EBF1: variants seen among roughly 807,000 people sequenced by gnomAD.
EBF1 encodes the protein transcription factor COE1.
Under a neutral mutation model 68.4 loss-of-function variants are expected in EBF1, and 10 were observed. The observed-to-expected ratio is 0.15, with a 90% CI of 0.09 to 0.25. EBF1 has a LOEUF of 0.25. EBF1 is among the 10% of genes least tolerant of loss of function. EBF1 has a pLI of 1.00. For missense variants in EBF1, 509 were observed against 794.4 expected, an observed-to-expected ratio of 0.64 and a Z score of 4.32; for synonymous variants, 298 against 299.8, an observed-to-expected ratio of 0.99 and a Z score of 0.06.
intron 11 of EBF1, among the ~76,000 whole-genome samples, chr5:158,716,288 C>T (rs79819391): frequency 0.096 from 14,647 of 152,006 alleles, 2,009 homozygotes; most frequent in African/African-American, 0.31. Context: ...ATATCCAGAG[C>T]TCTCATCCCC....
At chr5:158,812,165 A>G (rs1782793958) in intron 8 of EBF1, among the ~76,000 whole-genome samples, 1 of 152,222 alleles carries the variant, frequency 6.6e-6, no homozygotes, top group Non-Finnish European at 1.5e-5. Context: ...TATAATTGGC[A>G]GTCAGTCAAT....
chr5:158,821,783 T>C (rs1238294674), intron 8 of EBF1, among the ~76,000 whole-genome samples: 4 of 152,192 alleles, frequency 2.6e-5, no homozygotes, highest in Non-Finnish European at 2.9e-5. Context: ...AGCAGGTGTT[T>C]GAAATGGCCT....
rs140789850 is a variant in EBF1 at position 158,912,952 on chromosome 5, C to G, written c.555-72842G>C. 9.8e-5 allele frequency among the ~76,000 whole-genome samples: 15 copies of G among 152,340 alleles called. No individual in the cohort carries two copies. The East Asian group carries it at 2.7e-3, about 27-fold the overall frequency. ...ACATTTCCAGAGGATGCCTGCCTAT[C>G]CAGGACCACCTTCTATTCCTGGCAT... On this transcript the variant is annotated intron_variant, in intron 6 of 15. Transcript: ENST00000313708.
chr5:158,897,119 G>A (rs1180142209), intron 6 of EBF1, among the ~76,000 whole-genome samples: 1 of 152,054 alleles, frequency 6.6e-6, no homozygotes, highest in African/African-American at 2.4e-5. Context: ...ATATGAACGT[G>A]TATGTTCATG....
At chr5:159,059,008 C>T (rs1288866772) in intron 6 of EBF1, among the ~76,000 whole-genome samples, 1 of 152,182 alleles carries the variant, frequency 6.6e-6, no homozygotes, top group Non-Finnish European at 1.5e-5. Context: ...GCCACTTCTG[C>T]CATGTAGCCA....
chr5:159,044,281 T>G (rs1217890049), intron 6 of EBF1, among the ~76,000 whole-genome samples: 2 of 152,196 alleles, frequency 1.3e-5, no homozygotes, highest in Non-Finnish European at 2.9e-5. Context: ...ACCTCCTATT[T>G]ATTAAGCAAC....
intron 6 of EBF1, among the ~76,000 whole-genome samples, chr5:159,029,735 A>C (rs998769792): frequency 6.6e-6 from 1 of 152,174 alleles, no homozygotes; most frequent in Admixed American, 6.5e-5. Context: ...CGGGTGGATC[A>C]CTTGAGGTCA....
intron 6 of EBF1, among the ~76,000 whole-genome samples, chr5:159,009,470 C>T (rs189752504): frequency 7.9e-5 from 12 of 152,306 alleles, no homozygotes; most frequent in Admixed American, 3.9e-4. Flanking sequence ...TATGCCAGCC[C>T]TGGTCTTAAA....
At chr5:158,766,656 A>C (rs1161555711) in intron 10 of EBF1, among the ~76,000 whole-genome samples, 1 of 152,194 alleles carries the variant, frequency 6.6e-6, no homozygotes, top group East Asian at 1.9e-4. Flanking sequence ...TTCTAAAAAA[A>C]GACAAGATAT....
intron 4 of EBF1, among the ~76,000 whole-genome samples, chr5:159,087,343 C>T (rs1314019910): frequency 1.7e-4 from 23 of 135,596 alleles, no homozygotes; most frequent in Admixed American, 1.6e-3. Flanking sequence ...TATACACACA[C>T]ATATATATAT....
At chr5:159,064,899 C>CTTTTTTTTTTTTTT (rs57256923) in intron 6 of EBF1, among the ~76,000 whole-genome samples, 23 of 67,936 alleles carry the variant, frequency 3.4e-4, no homozygotes, top group African/African-American at 5.5e-4. Context: ...CTCTTTTCAT[C>CTTTTTTTTTTTTTT]TTTTTTTTTT....
intron 11 of EBF1, among the ~76,000 whole-genome samples, chr5:158,716,841 T>A (rs1760828771): frequency 6.6e-6 from 1 of 152,160 alleles, no homozygotes; most frequent in African/African-American, 2.4e-5. Flanking sequence ...AGACAGAACA[T>A]GACGAGCAGG....
At chr5:158,853,837 T>A (rs1422630961) in intron 6 of EBF1, among the ~76,000 whole-genome samples, 1 of 152,166 alleles carries the variant, frequency 6.6e-6, no homozygotes, top group African/African-American at 2.4e-5. Context: ...ACTTTCAAAA[T>A]GATAGAAGCT....
chr5:158,783,817 GGTA>G, intron 9 of EBF1, among the ~76,000 whole-genome samples: 1 of 152,188 alleles, frequency 6.6e-6, no homozygotes, highest in Admixed American at 6.5e-5. Flanking sequence ...GAGAATGCAT[GGTA>G]GTTCATGCAG....
chr5:158,788,480 A>G (rs1365695695), intron 9 of EBF1, among the ~76,000 whole-genome samples: 1 of 152,218 alleles, frequency 6.6e-6, no homozygotes, highest in African/African-American at 2.4e-5. Context: ...GAGGATGTTG[A>G]AAAGAAAGGT....
intron 6 of EBF1, among the ~76,000 whole-genome samples, chr5:158,872,996 ATTTTTTT>A (rs539493620): frequency 1.4e-3 from 111 of 81,116 alleles, no homozygotes; most frequent in African/African-American, 4.7e-3. Flanking sequence ...AATGACACTA[ATTTTTTT>A]TTTTTTTTTT....
intron 6 of EBF1, among the ~76,000 whole-genome samples, chr5:159,020,320 G>A (rs78380967): frequency 8.0e-4 from 122 of 152,214 alleles, no homozygotes; most frequent in African/African-American, 2.6e-3. Flanking sequence ...GAGAATGGCC[G>A]CAAGAGGCTC....
At chr5:158,720,591 T>C (rs2127514982) in intron 11 of EBF1, among the ~76,000 whole-genome samples, 1 of 152,300 alleles carries the variant, frequency 6.6e-6, no homozygotes, top group Non-Finnish European at 1.5e-5. Context: ...TTCATTTTTC[T>C]TGTAATATAA....
chr5:158,800,053 T>C (rs1370275347), intron 8 of EBF1, among the ~76,000 whole-genome samples: 2 of 152,236 alleles, frequency 1.3e-5, no homozygotes, highest in African/African-American at 4.8e-5. Flanking sequence ...AAATGTTCAT[T>C]GCGGTATTGA....
Sources: allele counts gnomAD v4.1 joint callset (sites outside exome capture counted in the v4.1 genomes callset), GRCh38; gene constraint gnomAD v4.1.1; transcripts MANE v1.5; gene names NCBI Gene and HGNC (gene_info 2026-07-23, HGNC 2026-07-21).